SUPT5H: variants seen among roughly 807,000 people sequenced by gnomAD.
SUPT5H encodes the protein transcription elongation factor SPT5.
SUPT5H carries 24 observed loss-of-function variants against 142.5 expected under a neutral mutation model. That is an observed-to-expected ratio of 0.17 (90% CI 0.12 to 0.24). The LOEUF is 0.24. SUPT5H is among the 10% of genes least tolerant of loss of function. SUPT5H has a pLI of 1.00. For synonymous variants in SUPT5H, 546 were observed against 553.0 expected (o/e 0.99, Z 0.18); for missense variants, 893 against 1,471.8 (o/e 0.61, Z 6.43).
At chr19:39,448,080 T>C (rs1330968909) in intron 2 of SUPT5H, among the ~76,000 whole-genome samples, 1 of 152,246 alleles carries the variant, frequency 6.6e-6, no homozygotes, top group Non-Finnish European at 1.5e-5. Context: ...GCCCTACTTA[T>C]ACAGCTGGGA....
intron 11 of SUPT5H, among the ~76,000 whole-genome samples, chr19:39,465,844 G>A (rs772199224): frequency 5.9e-5 from 9 of 152,262 alleles, no homozygotes; most frequent in South Asian, 2.1e-4. Flanking sequence ...CCTAATACAC[G>A]TTGAGTGTCT....
chr19:39,461,528 G>A (rs2079160938), intron 10 of SUPT5H, among the ~76,000 whole-genome samples: 1 of 151,756 alleles, frequency 6.6e-6, no homozygotes, highest in Non-Finnish European at 1.5e-5. Flanking sequence ...TTTCTACAAA[G>A]AAAATAATAA....
chr19:39,448,317 G>C (rs1168034962), intron 2 of SUPT5H, among the ~76,000 whole-genome samples: 1 of 152,172 alleles, frequency 6.6e-6, no homozygotes, highest in Non-Finnish European at 1.5e-5. Context: ...AGAGTGCCTG[G>C]CTTCCAGGCT....
chr19:39,470,281 G>A lies in SUPT5H; in HGVS notation c.1530+7G>A, dbSNP rs909116407. On this transcript the variant is annotated splice_region_variant and intron_variant, in intron 17 of 29. Coordinates refer to ENST00000432763, the MANE Select transcript of SUPT5H (RefSeq NM_001111020.3). This position sits in a 1 kb window ranked among gnomAD's most constrained non-coding sequence, Gnocchi z 5.8. Reference sequence around the variant, plus strand: ...TGACCTCACCATGCATGAGGTAGGTGGATAGAAGGGTCGGGGAAGGGTGCA... The same window carrying A: ...TGACCTCACCATGCATGAGGTAGGTAGATAGAAGGGTCGGGGAAGGGTGCA... 3 of 1,561,102 alleles carry A rather than the reference G, an allele frequency of 1.9e-6. No individual in the cohort carries two copies. The highest frequency in any genetic ancestry group is 2.3e-5 in the East Asian group (1 of 43,744).
In SUPT5H at chr19:39,472,155, G is replaced by A. The variant is rs2079329714; in HGVS notation, c.1951-254G>A. On this transcript the variant is annotated intron_variant, in intron 20 of 29. Coordinates refer to ENST00000432763, the MANE Select transcript of SUPT5H (RefSeq NM_001111020.3). This position sits in a 1 kb window ranked among gnomAD's most constrained non-coding sequence, Gnocchi z 4.2. ...ACAGAGGAGGGTAAAAAAGGCCTCA[G>A]TGGGAGGCAGTATTGGAGCAGAGAC... 6.6e-6 allele frequency among the ~76,000 whole-genome samples: 1 copy of A among 152,302 alleles called. No homozygotes were observed. The highest frequency in any genetic ancestry group is 1.5e-5 in the Non-Finnish European group (1 of 68,024).
intron 10 of SUPT5H, among the ~76,000 whole-genome samples, chr19:39,461,810 C>T (rs1026119327): frequency 3.1e-5 from 4 of 130,768 alleles, no homozygotes; most frequent in South Asian, 2.4e-4. Flanking sequence ...GGCAACAGAG[C>T]GAGACTGTCT....
At position 39,472,292 on chromosome 19, in the gene SUPT5H, C is replaced by T; in HGVS notation, c.1951-117C>T. ...CCAGCTGTCACAGAGGAATTCAGGC[C>T]TGGGGTGTGGGTGGCTGGGTGGTCT... On this transcript the variant is annotated intron_variant, in intron 20 of 29. Transcript: ENST00000432763. The surrounding 1 kb of genome is among the most constrained non-coding windows in gnomAD (Gnocchi z 4.2). 2.1e-6 allele frequency: 2 copies of T among 932,540 alleles called. No individual in the cohort carries two copies. Among genetic ancestry groups the T allele is most frequent in the Admixed American group, 1.8e-5 (1 of 54,078 alleles). 57.8% of individuals were successfully genotyped at this position (932,540 alleles called of 1,614,324 possible).
Position 39,453,210 on chromosome 19 carries a change from A to G in SUPT5H, c.76-146A>G, listed in dbSNP as rs2079042474. The G allele has an allele frequency of 3.3e-6, 3 of 905,706 alleles. No individual in the cohort carries two copies. In the African/African-American group the frequency reaches 5.0e-5, roughly 15 times the overall value. The allele number at this position is 905,706 out of a possible 1,614,324, so 56.1% of individuals were successfully genotyped here. On this transcript the variant is annotated intron_variant, in intron 2 of 29. Coordinates refer to ENST00000432763, the MANE Select transcript of SUPT5H (RefSeq NM_001111020.3). ...AGATAGGATGGTAACCAGAGAGGCC[A>G]GGCTAGAGTGAAAGGGATATATGCA...
At chr19:39,446,113 T>A in intron 2 of SUPT5H, 148 bp downstream of exon 2, 1 of 919,962 alleles carries the variant, frequency 1.1e-6, no homozygotes, top group South Asian at 1.5e-5. Flanking sequence ...ATTAGGCAAG[T>A]CGAAGTCAAG....
At position 39,473,840 on chromosome 19, in the gene SUPT5H, C is replaced by T; in HGVS notation, c.2493-123C>T. On this transcript the variant is annotated intron_variant, in intron 25 of 29. Coordinates refer to ENST00000432763, the MANE Select transcript of SUPT5H (RefSeq NM_001111020.3). The surrounding 1 kb of genome is among the most constrained non-coding windows in gnomAD (Gnocchi z 5.8). The stretch of plus-strand genomic sequence containing the variant: ...GGAAGGGAAATAACATCAGGAGTGC[C>T]TCTGGATGGGGCTCCCGTGAGAATG... 7.4e-7 allele frequency: 1 copy of T among 1,356,558 alleles called. No homozygotes were observed. The highest frequency in any genetic ancestry group is 1.0e-6 in the Non-Finnish European group (1 of 959,978). The allele number at this position is 1,356,558 out of a possible 1,614,324, so 84.0% of individuals were successfully genotyped here.
At chr19:39,447,857 T>C (rs903396480) in intron 2 of SUPT5H, among the ~76,000 whole-genome samples, 1 of 152,254 alleles carries the variant, frequency 6.6e-6, no homozygotes, top group Non-Finnish European at 1.5e-5. Flanking sequence ...ATTTAGTAGG[T>C]AGCAATCACA....
Position 39,472,638 on chromosome 19 carries a change from G to A in SUPT5H, c.2035+145G>A. On this transcript the variant is annotated intron_variant, in intron 21 of 29. Coordinates refer to ENST00000432763, the MANE Select transcript of SUPT5H (RefSeq NM_001111020.3). This position sits in a 1 kb window ranked among gnomAD's most constrained non-coding sequence, Gnocchi z 4.2. ...CACCCACAGGAGGGTAGACGCCACAGTGACAGCCCAGAATGGTCAGGGCTT... is the reference window on the plus strand; with the variant it reads ...CACCCACAGGAGGGTAGACGCCACAATGACAGCCCAGAATGGTCAGGGCTT... The A allele has an allele frequency of 2.2e-6, 3 of 1,386,572 alleles. No individual in the cohort carries two copies. Among genetic ancestry groups the A allele is most frequent in the Non-Finnish European group, 2.9e-6 (3 of 1,024,258 alleles). The allele number at this position is 1,386,572 out of a possible 1,614,324, so 85.9% of individuals were successfully genotyped here.
intron 2 of SUPT5H, among the ~76,000 whole-genome samples, chr19:39,448,713 C>T (rs904846007): frequency 4.6e-5 from 7 of 152,086 alleles, no homozygotes; most frequent in African/African-American, 1.4e-4. Flanking sequence ...TGTGGCTAGA[C>T]AGGTAGGGAT....
intron 10 of SUPT5H, among the ~76,000 whole-genome samples, chr19:39,460,419 G>C (rs1277370536): frequency 6.6e-6 from 1 of 152,204 alleles, no homozygotes; most frequent in African/African-American, 2.4e-5. Flanking sequence ...TGGGCCCCTT[G>C]GTTGCCTCTC....
Position 39,469,752 on chromosome 19 carries a change from G to T in SUPT5H, c.1374+354G>T, listed in dbSNP as rs191087241. ...GTGTGTTTGTCTGTGTCTGGTGTATGTCTGAGGGGTTGTGCAGGCCCAGTG... is the reference window on the plus strand; with the variant it reads ...GTGTGTTTGTCTGTGTCTGGTGTATTTCTGAGGGGTTGTGCAGGCCCAGTG... On this transcript the variant is annotated intron_variant, in intron 16 of 29. Coordinates refer to ENST00000432763, the MANE Select transcript of SUPT5H (RefSeq NM_001111020.3). The surrounding 1 kb of genome is among the most constrained non-coding windows in gnomAD (Gnocchi z 5.1). The T allele has an allele frequency of 1.2e-5, 6 of 485,544 alleles. No homozygotes were observed. Among genetic ancestry groups the T allele is most frequent in the Non-Finnish European group, 2.3e-5 (6 of 264,736 alleles). 30.1% of individuals were successfully genotyped at this position (485,544 alleles called of 1,614,324 possible).
At chr19:39,459,764 C>T in intron 9 of SUPT5H, 128 bp from the exon 10 acceptor site, 1 of 1,294,206 alleles carries the variant, frequency 7.7e-7, no homozygotes, top group Non-Finnish European at 1.1e-6. Flanking sequence ...ATCTTCCTGG[C>T]TGTCCATCCT....
chr19:39,450,782 GTCTTA>G (rs1281400164), intron 2 of SUPT5H, among the ~76,000 whole-genome samples: 1 of 152,156 alleles, frequency 6.6e-6, no homozygotes, highest in Non-Finnish European at 1.5e-5. Context: ...TCAGTTGTGT[GTCTTA>G]TCTTGATTGG....
rs1485848948 is a variant in SUPT5H at position 39,474,692 on chromosome 19, C to G, written c.2998C>G (p.Gln1000Glu). ...CTACCTGGATACACAGGTGGTGGGA[C>G]AGACAGGTGTCATCCGCAGTGTCAC... The part of the protein sequence containing the change: ...DTYLDTQVVG[Q>E]TGVIRSVTGG... Residue 1000 changes from glutamine to glutamate, a missense_variant, in exon 28 of 30, where the codon CAG (glutamine) becomes GAG (glutamate). Gln to Glu is a conservative substitution (Grantham distance 29). Coordinates refer to ENST00000432763, the MANE Select transcript of SUPT5H (RefSeq NM_001111020.3). The surrounding 1 kb of genome is among the most constrained non-coding windows in gnomAD (Gnocchi z 6.5). 1.9e-6 allele frequency: 3 copies of G among 1,613,456 alleles called. No individual in the cohort carries two copies. The highest frequency in any genetic ancestry group is 2.5e-6 in the Non-Finnish European group (3 of 1,179,742).
At chr19:39,445,779 G>A in intron 1 of SUPT5H, 25 bp from the exon 2 acceptor site, 1 of 1,292,820 alleles carries the variant, frequency 7.7e-7, no homozygotes. Flanking sequence ...TGCCGGAAGC[G>A]CCCTAAGGGG....
Sources: allele counts gnomAD v4.1 joint callset (sites outside exome capture counted in the v4.1 genomes callset), GRCh38; gene constraint gnomAD v4.1.1; non-coding constraint Gnocchi (gnomAD v3.1); transcripts MANE v1.5; gene names NCBI Gene and HGNC (gene_info 2026-07-23, HGNC 2026-07-21).